Variants in GABRG3 observed in about 807,000 individuals in gnomAD.
GABRG3 encodes the protein gamma-aminobutyric acid receptor subunit gamma-3.
Under a neutral mutation model 48.8 loss-of-function variants are expected in GABRG3, and 25 were observed. That is an observed-to-expected ratio of 0.51 (90% confidence interval 0.37 to 0.72). The LOEUF (loss-of-function observed/expected upper bound fraction) is 0.72. Ranked by LOEUF, GABRG3 falls within the 30% of genes least tolerant of loss-of-function variation. The pLI, the probability that GABRG3 is intolerant of heterozygous loss-of-function variation, is 0.00. For synonymous variants in GABRG3, 227 were observed against 217.6 expected, an observed-to-expected ratio of 1.04 and a Z score of -0.38; for missense variants, 394 against 577.9, an observed-to-expected ratio of 0.68 and a Z score of 3.26.
intron 5 of GABRG3, among the ~76,000 whole-genome samples, chr15:27,466,359 A>G (rs1889610107): frequency 6.6e-6 from 1 of 152,220 alleles, no homozygotes; most frequent in African/African-American, 2.4e-5. Context: ...TTGGTGTGAC[A>G]TATGCATGGG....
chr15:27,320,515 A>C (rs1893386648), intron 3 of GABRG3, among the ~76,000 whole-genome samples: 3 of 152,218 alleles, frequency 2.0e-5, no homozygotes. Flanking sequence ...AATCCTAAAC[A>C]TGCAGGTCCT....
chr15:27,125,199 A>G (rs777560512), intron 3 of GABRG3, among the ~76,000 whole-genome samples: 8 of 152,238 alleles, frequency 5.3e-5, no homozygotes, highest in Admixed American at 2.0e-4. Flanking sequence ...CCACTGTTGT[A>G]CAGTGGAAGG....
chr15:27,307,970 A>G (rs143003021), intron 3 of GABRG3, among the ~76,000 whole-genome samples: 51 of 136,536 alleles, frequency 3.7e-4, no homozygotes, highest in African/African-American at 1.4e-3. Flanking sequence ...ATGTTTATAT[A>G]TAAACATATA....
chr15:27,393,161 G>A (rs557947140), intron 5 of GABRG3, among the ~76,000 whole-genome samples: 105 of 151,990 alleles, frequency 6.9e-4, no homozygotes, highest in African/African-American at 2.4e-3. Context: ...CTGGCAACAC[G>A]GTGAAACCCC....
chr15:27,351,085 A>AGT (rs201032368), intron 5 of GABRG3, among the ~76,000 whole-genome samples: 2,624 of 127,362 alleles, frequency 0.021, 92 homozygotes, highest in African/African-American at 0.075. Flanking sequence ...GTGTGTGTAT[A>AGT]GTGTGTGTAT....
At chr15:26,996,698 G>A (rs1566903868) in intron 2 of GABRG3, among the ~76,000 whole-genome samples, 2 of 151,862 alleles carry the variant, frequency 1.3e-5, no homozygotes, top group Admixed American at 1.3e-4. Context: ...CACCCAGGCT[G>A]GAGTGCAGTG....
chr15:27,475,608 ATGG>A (rs1057002939), intron 5 of GABRG3, among the ~76,000 whole-genome samples: 4 of 151,816 alleles, frequency 2.6e-5, no homozygotes, highest in East Asian at 1.9e-4. Flanking sequence ...GATAGTAATA[ATGG>A]TGGTGGTGAT....
At chr15:27,311,888 G>A (rs763725922) in intron 3 of GABRG3, among the ~76,000 whole-genome samples, 14 of 152,048 alleles carry the variant, frequency 9.2e-5, no homozygotes, top group Admixed American at 2.0e-4. Context: ...TATTGGGAGA[G>A]GTCGCTGTTT....
At chr15:27,434,610 A>G (rs555610845) in intron 5 of GABRG3, among the ~76,000 whole-genome samples, 2 of 152,358 alleles carry the variant, frequency 1.3e-5, no homozygotes, top group African/African-American at 4.8e-5. Flanking sequence ...ATGATAGCAC[A>G]TAATATAACT....
intron 3 of GABRG3, among the ~76,000 whole-genome samples, chr15:27,125,387 G>A (rs1364345741): frequency 6.6e-6 from 1 of 152,118 alleles, no homozygotes; most frequent in Non-Finnish European, 1.5e-5. Context: ...GTTTGTTAAT[G>A]CGCACAAAGT....
At chr15:27,320,925 A>G (rs1274947875) in intron 3 of GABRG3, among the ~76,000 whole-genome samples, 1 of 152,248 alleles carries the variant, frequency 6.6e-6, no homozygotes, top group Non-Finnish European at 1.5e-5. Context: ...CAGGTGACTG[A>G]CATGGCCTCC....
At position 27,204,349 on chromosome 15, in the gene GABRG3, G is replaced by A. The variant is rs111915186; in HGVS notation, c.271-122460G>A. 1.1e-3 allele frequency among the ~76,000 whole-genome samples: 165 copies of A among 152,254 alleles called. 2 individuals carry two copies. Among genetic ancestry groups the A allele is most frequent in the African/African-American group, 3.5e-3 (144 of 41,568 alleles). On this transcript the variant is annotated intron_variant, in intron 3 of 9. Coordinates refer to ENST00000615808, the MANE Select transcript of GABRG3 (RefSeq NM_033223.5). ...TTATTGTCAGCTTTGTTGAAGATCAGATGGTTGTAGGTATGCAGCTTTATT... is the reference window on the plus strand; with the variant it reads ...TTATTGTCAGCTTTGTTGAAGATCAAATGGTTGTAGGTATGCAGCTTTATT...
intron 3 of GABRG3, among the ~76,000 whole-genome samples, chr15:27,047,115 C>T (rs1785173576): frequency 6.6e-6 from 1 of 152,052 alleles, no homozygotes; most frequent in Admixed American, 6.6e-5. Context: ...AGAGATAAAC[C>T]ACCACATACT....
Position 27,017,451 on chromosome 15 carries a change from T to G in GABRG3, c.203-9303T>G, listed in dbSNP as rs76804760. Among the ~76,000 whole-genome samples, 21 of 152,314 alleles carry G rather than the reference T, an allele frequency of 1.4e-4. No individual in the cohort carries two copies. In the East Asian group the frequency reaches 1.7e-3, roughly 13 times the overall value. On this transcript the variant is annotated intron_variant, in intron 2 of 9. Transcript: ENST00000615808. The stretch of plus-strand genomic sequence containing the variant: ...TGTCATTCCATCGTACTGCAGACTC[T>G]GGTGGTAGAACAAACCCTGTTCATT...
chr15:27,250,578 C>T (rs1404998236), intron 3 of GABRG3, among the ~76,000 whole-genome samples: 1 of 152,110 alleles, frequency 6.6e-6, no homozygotes, highest in Non-Finnish European at 1.5e-5. Context: ...AGTCGTGTGC[C>T]ACCATGCCCA....
chr15:27,157,411 G>A (rs1429682046), intron 3 of GABRG3, among the ~76,000 whole-genome samples: 3 of 152,178 alleles, frequency 2.0e-5, no homozygotes, highest in African/African-American at 7.2e-5. Flanking sequence ...TTTGTCATTT[G>A]ACAGCAGTGG....
intron 6 of GABRG3, among the ~76,000 whole-genome samples, chr15:27,516,334 T>C (rs1415910618): frequency 6.6e-6 from 1 of 152,188 alleles, no homozygotes; most frequent in Admixed American, 6.5e-5. Context: ...TACTTCAATA[T>C]AGAGTCATTA....
intron 3 of GABRG3, among the ~76,000 whole-genome samples, chr15:27,132,471 G>GTTTTTTTTTTTTTTT (rs59023766): frequency 2.5e-5 from 1 of 39,594 alleles, no homozygotes; most frequent in Non-Finnish European, 4.8e-5. Context: ...AGTAGTTACA[G>GTTTTTTTTTTTTTTT]TTTTTTTTTT....
chr15:27,198,049 A>G (rs904583363), intron 3 of GABRG3, among the ~76,000 whole-genome samples: 1 of 152,106 alleles, frequency 6.6e-6, no homozygotes, highest in African/African-American at 2.4e-5. Flanking sequence ...CTTTTCAAAA[A>G]TCCAGCTCCT....
Sources: gnomAD v4.1 joint callset for allele counts (sites outside exome capture counted in the v4.1 genomes callset) on GRCh38, gnomAD v4.1.1 for gene constraint, MANE v1.5 for transcripts, NCBI Gene and HGNC (gene_info 2026-07-23, HGNC 2026-07-21) for gene names.